The following FOCAD variants were observed in gnomAD, a reference collection of about 807,000 sequenced individuals.
FOCAD encodes focadhesin, also known as KIAA1797.
A neutral mutation model predicts 225.6 loss-of-function variants in FOCAD; 198 were observed. The observed-to-expected ratio is 0.88, with a 90% CI of 0.78 to 0.99. FOCAD has a LOEUF of 0.99. FOCAD is among the 50% of genes least tolerant of loss of function. The probability of loss-of-function intolerance (pLI) is 0.00; values close to 1 mark genes in which losing one functional copy is unlikely to be tolerated. For missense variants in FOCAD, 2,713 were observed against 2,123.6 expected (o/e 1.28, Z -5.46); for synonymous variants, 897 against 755.0 (o/e 1.19, Z -3.08).
intron 2 of FOCAD, among the ~76,000 whole-genome samples, chr9:20,670,457 G>A (rs1338928379): frequency 1.3e-5 from 2 of 152,210 alleles, no homozygotes; most frequent in African/African-American, 4.8e-5. Context: ...TACAATCATA[G>A]TAGAAGGTGA....
upstream of FOCAD, among the ~76,000 whole-genome samples, chr9:20,656,771 A>T (rs1248216905): frequency 6.6e-6 from 1 of 152,160 alleles, no homozygotes; most frequent in South Asian, 2.1e-4. Flanking sequence ...CATTTAGTCC[A>T]TTTACATTTA....
At chr9:20,840,753 T>A (rs1168152233) in intron 15 of FOCAD, among the ~76,000 whole-genome samples, 1 of 152,048 alleles carries the variant, frequency 6.6e-6, no homozygotes, top group East Asian at 1.9e-4. Context: ...ACTTCAGTTC[T>A]ATGTTGAATA....
chr9:20,736,760 G>T (rs1329256928), intron 4 of FOCAD, among the ~76,000 whole-genome samples: 5 of 151,994 alleles, frequency 3.3e-5, no homozygotes, highest in Admixed American at 6.6e-5. Flanking sequence ...GTAAGAGATG[G>T]GCTTATTATG....
intron 11 of FOCAD, among the ~76,000 whole-genome samples, chr9:20,814,043 A>G (rs1402355120): frequency 1.3e-5 from 2 of 152,084 alleles, no homozygotes; most frequent in East Asian, 1.9e-4. Context: ...TACCATTTGT[A>G]TTAAATATCT....
chr9:20,850,714 TG>T (rs1450040531), intron 15 of FOCAD, among the ~76,000 whole-genome samples: 3 of 151,472 alleles, frequency 2.0e-5, no homozygotes, highest in Non-Finnish European at 4.4e-5. Flanking sequence ...CAATTTAAAT[TG>T]GTATAATTGG....
At chr9:20,773,932 G>A (rs1265135987) in intron 8 of FOCAD, among the ~76,000 whole-genome samples, 1 of 152,158 alleles carries the variant, frequency 6.6e-6, no homozygotes, top group East Asian at 1.9e-4. Flanking sequence ...GTTAGGAACT[G>A]GGCCACACAC....
At chr9:20,789,153 C>G (rs1304272020) in intron 10 of FOCAD, among the ~76,000 whole-genome samples, 198 bp from the exon 11 acceptor site, 1 of 152,118 alleles carries the variant, frequency 6.6e-6, no homozygotes, top group African/African-American at 2.4e-5. Context: ...TTCTGGAGTT[C>G]CATCTAACAA....
chr9:20,992,919 C>T (rs1030449934), intron 42 of FOCAD, among the ~76,000 whole-genome samples: 10 of 151,410 alleles, frequency 6.6e-5, no homozygotes, highest in Admixed American at 2.0e-4. Flanking sequence ...GCCGAGATTG[C>T]GCTACTGCAC....
intron 3 of FOCAD, 58 bp from the exon 4 acceptor site, chr9:20,720,322 T>A (rs112884071): frequency 6.6e-7 from 1 of 1,505,830 alleles, no homozygotes; most frequent in African/African-American, 1.4e-5. Context: ...ACCAAAGGTG[T>A]GTGTGTGTGT....
chr9:20,907,183 A>G lies in FOCAD; in HGVS notation c.2659A>G (p.Ile887Val). 12 of 1,612,976 alleles carry G rather than the reference A, an allele frequency of 7.4e-6. No homozygotes were observed. The highest frequency in any genetic ancestry group is 1.1e-5 in the South Asian group (1 of 91,038). ...CCAGCTTTCAGAGTGGCACCGTGCA[A>G]TTTTTCTTCCACAGGCCTGGCTTGC... Reference protein sequence around the residue: ...HIQLSEWHRAIFLPQAWLAYM... With the variant: ...HIQLSEWHRAVFLPQAWLAYM... Residue 887 changes from isoleucine to valine, a missense_variant, in exon 22 of 44, where the codon ATT becomes GTT. Ile to Val is a conservative substitution (Grantham distance 29, BLOSUM62 3). Coordinates refer to ENST00000338382, the MANE Select transcript of FOCAD (RefSeq NM_001375567.1).
At chr9:20,892,337 C>T (rs1831684096) in intron 21 of FOCAD, among the ~76,000 whole-genome samples, 1 of 152,098 alleles carries the variant, frequency 6.6e-6, no homozygotes, top group South Asian at 2.1e-4. Flanking sequence ...ATAGTGATTC[C>T]TCTGTTGGAT....
At chr9:20,661,164 C>T (rs1821706297) in intron 2 of FOCAD, among the ~76,000 whole-genome samples, 1 of 152,136 alleles carries the variant, frequency 6.6e-6, no homozygotes. Flanking sequence ...TCTTGGTCTT[C>T]TCTGAGAAGT....
intron 5 of FOCAD, among the ~76,000 whole-genome samples, chr9:20,756,450 A>T (rs1829061249): frequency 6.6e-6 from 1 of 152,204 alleles, no homozygotes. Context: ...ACACCCGTGC[A>T]GTAGTTTTTA....
chr9:20,826,236 G>T (rs768542407), intron 15 of FOCAD, among the ~76,000 whole-genome samples: 1 of 152,036 alleles, frequency 6.6e-6, no homozygotes, highest in Non-Finnish European at 1.5e-5. Flanking sequence ...CCTCAAACTG[G>T]GAGTGTAGCA....
chr9:20,779,591 T>TA (rs1819156661), intron 9 of FOCAD, among the ~76,000 whole-genome samples: 2 of 152,056 alleles, frequency 1.3e-5, no homozygotes, highest in South Asian at 4.2e-4. Context: ...CTACTAAAAA[T>TA]ACAAAAAAAT....
chr9:20,948,822 C>A, intron 31 of FOCAD, 29 bp from the exon 32 acceptor site: 2 of 1,611,050 alleles, frequency 1.2e-6, no homozygotes, highest in Non-Finnish European at 1.7e-6. Flanking sequence ...CTGATTCCCT[C>A]TTTTCATATT....
In FOCAD at chr9:20,949,680, G is replaced by C. The variant is rs375479659; in HGVS notation, c.3948+5G>C. The C allele has an allele frequency of 1.9e-6, 3 of 1,609,570 alleles. No homozygotes were observed. Among genetic ancestry groups the C allele is most frequent in the African/African-American group, 2.7e-5 (2 of 74,920 alleles). ...GTCATTAGAACCTTAACTCAGGTGA[G>C]AAAATGAATTTAAAATCCTTGGGTG... On this transcript the variant is annotated splice_donor_5th_base_variant and intron_variant, in intron 33 of 43. Transcript: ENST00000338382.
chr9:20,823,400 C>CT (rs1824537322), intron 15 of FOCAD, among the ~76,000 whole-genome samples: 1 of 151,902 alleles, frequency 6.6e-6, no homozygotes, highest in African/African-American at 2.4e-5. Context: ...AAAGTTATGC[C>CT]TATAGGAGAA....
chr9:20,706,661 G>A (rs576530100), intron 1 of FOCAD, among the ~76,000 whole-genome samples: 1 of 152,278 alleles, frequency 6.6e-6, no homozygotes, highest in East Asian at 1.9e-4. Context: ...CTCTGACATT[G>A]TTTCTTCATT....
Sources: allele counts gnomAD v4.1 joint callset (sites outside exome capture counted in the v4.1 genomes callset), GRCh38; gene constraint gnomAD v4.1.1; transcripts MANE v1.5; gene names NCBI Gene and HGNC (gene_info 2026-07-23, HGNC 2026-07-21).